KCNAB1: variants seen among roughly 807,000 people sequenced by gnomAD.
KCNAB1 encodes the protein voltage-gated potassium channel subunit beta-1.
Under a neutral mutation model 64.6 loss-of-function variants are expected in KCNAB1, and 35 were observed. That is an observed-to-expected ratio of 0.54 (90% CI 0.41 to 0.72). The LOEUF (loss-of-function observed/expected upper bound fraction) is 0.72, where lower values mean the gene tolerates loss of function less well. KCNAB1 is among the 30% of genes least tolerant of loss of function. The pLI is 0.00. For missense variants in KCNAB1, 401 were observed against 512.9 expected (o/e 0.78, Z 2.11); for synonymous variants, 177 against 183.8 (o/e 0.96, Z 0.30).
Position 156,523,978 on chromosome 3 carries a change from G to A in KCNAB1, c.1081+31G>A. 3 of 1,605,204 alleles carry A rather than the reference G, an allele frequency of 1.9e-6. No individual in the cohort carries two copies. The South Asian group carries it at 3.4e-5, about 18-fold the overall frequency. On this transcript the variant is annotated intron_variant, in intron 12 of 13. Coordinates refer to ENST00000490337, the MANE Select transcript of KCNAB1 (RefSeq NM_172160.3). The stretch of plus-strand genomic sequence containing the variant: ...AAAATTACTAAGCTATGGGGTGGTA[G>A]AGGGACTTCTGCTGAGATCATAGTT...
chr3:156,353,509 TCA>T (rs1724993434), intron 1 of KCNAB1, among the ~76,000 whole-genome samples: 1 of 152,238 alleles, frequency 6.6e-6, no homozygotes, highest in African/African-American at 2.4e-5. Flanking sequence ...ATTTAATGTC[TCA>T]CAGTTTCTGG....
At chr3:156,239,446 G>A (rs1399514285) in intron 1 of KCNAB1, among the ~76,000 whole-genome samples, 2 of 152,172 alleles carry the variant, frequency 1.3e-5, no homozygotes, top group African/African-American at 4.8e-5. Flanking sequence ...TGTAGAAGAG[G>A]TCAACCTTTC....
intron 1 of KCNAB1, among the ~76,000 whole-genome samples, chr3:156,266,332 GTTA>G (rs1560165809): frequency 6.6e-6 from 1 of 152,178 alleles, no homozygotes; most frequent in Non-Finnish European, 1.5e-5. Context: ...ACACACTAAT[GTTA>G]TTAGAGATAA....
At chr3:156,212,372 G>A (rs1715061943) in intron 1 of KCNAB1, among the ~76,000 whole-genome samples, 1 of 152,178 alleles carries the variant, frequency 6.6e-6, no homozygotes, top group Non-Finnish European at 1.5e-5. Flanking sequence ...GAAAGATGAT[G>A]GGGTAGATTT....
In KCNAB1 at chr3:156,509,259, A is replaced by G. The variant is rs1029564406; in HGVS notation, c.659-5105A>G. ...TTGAAATGGCTTACTTGGGAATAGT[A>G]TAAAGCAGTGTGTGTCAGCATTACT... On this transcript the variant is annotated intron_variant, in intron 8 of 13. Coordinates refer to ENST00000490337, the MANE Select transcript of KCNAB1 (RefSeq NM_172160.3). Among the ~76,000 whole-genome samples, 28 of 152,244 alleles carry G rather than the reference A, an allele frequency of 1.8e-4. 1 individual carries two copies. Among genetic ancestry groups the G allele is most frequent in the Non-Finnish European group, 1.5e-5 (1 of 68,024 alleles).
intron 1 of KCNAB1, among the ~76,000 whole-genome samples, chr3:156,240,197 A>G (rs972566271): frequency 1.3e-5 from 2 of 152,238 alleles, no homozygotes; most frequent in Non-Finnish European, 2.9e-5. Context: ...CTGAGGAAAG[A>G]CAGCTTAAAA....
chr3:156,327,651 A>G (rs1015809718), intron 1 of KCNAB1, among the ~76,000 whole-genome samples: 1 of 152,186 alleles, frequency 6.6e-6, no homozygotes, highest in African/African-American at 2.4e-5. Flanking sequence ...AATATGAACA[A>G]ATAACTGAAT....
intron 1 of KCNAB1, among the ~76,000 whole-genome samples, chr3:156,163,015 T>C (rs960132336): frequency 1.3e-5 from 2 of 152,276 alleles, no homozygotes; most frequent in African/African-American, 2.4e-5. Flanking sequence ...GCTTAGAAAA[T>C]TGCTTTTAAA....
intron 1 of KCNAB1, among the ~76,000 whole-genome samples, chr3:156,290,648 G>T (rs974214095): frequency 1.1e-4 from 17 of 152,180 alleles, no homozygotes; most frequent in African/African-American, 4.1e-4. Flanking sequence ...GTCCTCACAG[G>T]TGGCCACAGA....
chr3:156,350,568 A>C (rs1724792551), intron 1 of KCNAB1, among the ~76,000 whole-genome samples: 1 of 152,056 alleles, frequency 6.6e-6, no homozygotes. Context: ...TCCAAAAAAG[A>C]AGTGCTCTGA....
intron 1 of KCNAB1, among the ~76,000 whole-genome samples, chr3:156,271,297 T>C (rs1719023457): frequency 6.6e-6 from 1 of 152,186 alleles, no homozygotes. Flanking sequence ...CTCTATCTCC[T>C]TTTTAGGGCC....
intron 1 of KCNAB1, among the ~76,000 whole-genome samples, chr3:156,326,954 T>C (rs1232839770): frequency 3.9e-5 from 6 of 152,160 alleles, no homozygotes; most frequent in East Asian, 1.9e-4. Context: ...ACATTTATCA[T>C]GTTGTAGCTC....
chr3:156,255,590 G>A (rs907030794), intron 1 of KCNAB1, among the ~76,000 whole-genome samples: 2 of 152,048 alleles, frequency 1.3e-5, no homozygotes, highest in Non-Finnish European at 2.9e-5. Flanking sequence ...TGCCTGCTGT[G>A]GTCTGCATTT....
intron 12 of KCNAB1, among the ~76,000 whole-genome samples, chr3:156,524,558 T>C (rs532392858): frequency 6.6e-6 from 1 of 151,956 alleles, no homozygotes; most frequent in East Asian, 1.9e-4. Context: ...CCATCCTGGC[T>C]AACACAGTGA....
intron 1 of KCNAB1, among the ~76,000 whole-genome samples, chr3:156,327,674 G>T (rs1189880191): frequency 1.3e-5 from 2 of 152,128 alleles, no homozygotes; most frequent in African/African-American, 4.8e-5. Flanking sequence ...CTAGGCTTAT[G>T]GGATCTATTA....
rs141730532 is a variant in KCNAB1, at chr3:156,535,410, C to A, written c.1171-1248C>A. On this transcript the variant is annotated intron_variant, in intron 13 of 13. Coordinates refer to ENST00000490337, the MANE Select transcript of KCNAB1 (RefSeq NM_172160.3). ...CTTATGGTGTAATGTGTACCCTTGG[C>A]CCACTTCTCACAGTAAATGCTAGCC... Among the ~76,000 whole-genome samples, 26 of 152,244 alleles carry A rather than the reference C, an allele frequency of 1.7e-4. No individual in the cohort carries two copies. The East Asian group carries it at 4.2e-3, about 25-fold the overall frequency.
In KCNAB1 at chr3:156,299,716, A is replaced by AT. The variant is rs563997671; in HGVS notation, c.276-121890dup. Among the ~76,000 whole-genome samples the AT allele has an allele frequency of 3.5e-3, 522 of 150,952 alleles. 1 individual carries two copies. The highest frequency in any genetic ancestry group is 6.4e-3 in the Non-Finnish European group (433 of 67,586). On this transcript the variant is annotated intron_variant, in intron 1 of 13. Coordinates refer to ENST00000490337, the MANE Select transcript of KCNAB1 (RefSeq NM_172160.3). ...AAACCAAAACAGAAGCCCAGCAGTGATTTTTTTTTTCTTGGAATCGACAGC... is the reference window on the plus strand; with the variant it reads ...AAACCAAAACAGAAGCCCAGCAGTGATTTTTTTTTTTCTTGGAATCGACAGC...
intron 1 of KCNAB1, among the ~76,000 whole-genome samples, chr3:156,136,377 G>A (rs1714348626): frequency 6.6e-6 from 1 of 152,342 alleles, no homozygotes; most frequent in East Asian, 1.9e-4. Context: ...GTAGTGGCAA[G>A]ATTTGAACCC....
intron 1 of KCNAB1, among the ~76,000 whole-genome samples, chr3:156,409,143 G>A (rs903602058): frequency 6.6e-6 from 1 of 151,922 alleles, no homozygotes; most frequent in Non-Finnish European, 1.5e-5. Context: ...ACTTCTTTAG[G>A]GCTGTGCCAA....
Sources: gnomAD v4.1 joint callset for allele counts (sites outside exome capture counted in the v4.1 genomes callset) on GRCh38, gnomAD v4.1.1 for gene constraint, MANE v1.5 for transcripts, NCBI Gene and HGNC (gene_info 2026-07-23, HGNC 2026-07-21) for gene names.